The following ITPR1 variants were observed in gnomAD, a reference collection of about 807,000 sequenced individuals.
ITPR1 encodes the protein inositol 1,4,5-trisphosphate-gated calcium channel ITPR1.
A neutral mutation model predicts 318.4 loss-of-function variants in ITPR1; 96 were observed. The observed-to-expected ratio is 0.30, with a 90% confidence interval of 0.26 to 0.36. ITPR1 has a LOEUF of 0.36. Ranked by LOEUF, ITPR1 falls within the 10% of genes least tolerant of loss-of-function variation. ITPR1 has a pLI of 1.00. For synonymous variants in ITPR1, 1,312 were observed against 1,289.9 expected (o/e 1.02, Z -0.37); for missense variants, 2,440 against 3,460.2 (o/e 0.71, Z 7.40).
intron 43 of ITPR1, 76 bp downstream of exon 43, chr3:4,733,296 G>A (rs2125318255): frequency 1.3e-6 from 2 of 1,532,238 alleles, no homozygotes; most frequent in South Asian, 1.2e-5. Context: ...CCTCCTAACA[G>A]GTTGAAATGC....
intron 38 of ITPR1, among the ~76,000 whole-genome samples, chr3:4,711,368 A>T (rs1012873101): frequency 6.6e-6 from 1 of 152,026 alleles, no homozygotes. Flanking sequence ...CTCAACCATC[A>T]TCCTCATGAG....
chr3:4,796,013 G>A (rs1047827057), intron 53 of ITPR1, among the ~76,000 whole-genome samples: 2 of 152,126 alleles, frequency 1.3e-5, no homozygotes, highest in African/African-American at 4.8e-5. Flanking sequence ...AACCTGCCAG[G>A]AACCACCTTA....
intron 42 of ITPR1, among the ~76,000 whole-genome samples, chr3:4,731,058 G>A (rs1159946877): frequency 6.6e-6 from 1 of 152,188 alleles, no homozygotes; most frequent in Non-Finnish European, 1.5e-5. Context: ...TCAAATAGAT[G>A]CATTATGATA....
chr3:4,690,718 A>G lies in ITPR1; in HGVS notation c.3829-426A>G, dbSNP rs138689298. 9.3e-4 allele frequency among the ~76,000 whole-genome samples: 142 copies of G among 152,358 alleles called. 12 individuals are homozygous for G. The East Asian group carries it at 0.017, about 18-fold the overall frequency. On this transcript the variant is annotated intron_variant, in intron 31 of 61. Coordinates refer to ENST00000649015, the MANE Select transcript of ITPR1 (RefSeq NM_001378452.1). ...ATCCTACTCCAAATGCCCTTCCACCATAGAATAAAGATACTGTCATATATT... is the reference window on the plus strand; with the variant it reads ...ATCCTACTCCAAATGCCCTTCCACCGTAGAATAAAGATACTGTCATATATT...
chr3:4,778,678 A>ACC (rs2046630043), intron 48 of ITPR1, among the ~76,000 whole-genome samples: 1 of 152,218 alleles, frequency 6.6e-6, no homozygotes, highest in East Asian at 1.9e-4. Context: ...AAATAAACAG[A>ACC]AGTTCATGTG....
Position 4,667,445 on chromosome 3 carries a change from T to C in ITPR1, c.1782T>C (p.Thr594=), listed in dbSNP as rs779129960. 1 of 1,613,648 alleles carries C rather than the reference T, an allele frequency of 6.2e-7. No homozygotes were observed. The highest frequency in any genetic ancestry group is 8.5e-7 in the Non-Finnish European group (1 of 1,179,744). The change falls in exon 18 of 62, where the codon ACT becomes ACC. Residue 594 remains threonine, a synonymous_variant. Coordinates refer to ENST00000649015, the MANE Select transcript of ITPR1 (RefSeq NM_001378452.1). ...QIGYDVLAED[T]ITALLHNNRK... The stretch of plus-strand genomic sequence containing the variant: ...GCTATGATGTGTTGGCTGAAGACAC[T>C]ATCACTGCCCTGCTCCACAATAATC...
At chr3:4,737,303 G>A (rs1175175605) in intron 44 of ITPR1, among the ~76,000 whole-genome samples, 1 of 152,168 alleles carries the variant, frequency 6.6e-6, no homozygotes, top group East Asian at 1.9e-4. Context: ...CCAAGAAGTA[G>A]AAGTGATGCC....
intron 26 of ITPR1, among the ~76,000 whole-genome samples, chr3:4,682,258 T>A (rs998150040): frequency 3.9e-5 from 6 of 152,256 alleles, no homozygotes; most frequent in African/African-American, 1.4e-4. Context: ...CAGAGATGCC[T>A]GCAAGGCCAG....
chr3:4,571,109 A>G (rs1411130768), intron 4 of ITPR1, among the ~76,000 whole-genome samples: 1 of 152,172 alleles, frequency 6.6e-6, no homozygotes, highest in Non-Finnish European at 1.5e-5. Flanking sequence ...TTTGTGTCAT[A>G]TCTGCTGACC....
chr3:4,716,493 T>C (rs988155704), intron 39 of ITPR1, among the ~76,000 whole-genome samples: 3 of 152,240 alleles, frequency 2.0e-5, no homozygotes, highest in African/African-American at 7.2e-5. Context: ...TGAATAGTAG[T>C]AGCTGTTTTA....
intron 44 of ITPR1, among the ~76,000 whole-genome samples, chr3:4,752,568 G>GC (rs1432675488): frequency 6.6e-6 from 1 of 152,238 alleles, no homozygotes; most frequent in Non-Finnish European, 1.5e-5. Context: ...GCTTCTTCTG[G>GC]CCATAAAGTT....
At chr3:4,602,011 T>A (rs536957627) in intron 4 of ITPR1, among the ~76,000 whole-genome samples, 1 of 152,254 alleles carries the variant, frequency 6.6e-6, no homozygotes, top group South Asian at 2.1e-4. Context: ...ATCCCTAGGA[T>A]GGCTAGAGTA....
In ITPR1 at chr3:4,493,516, C is replaced by T. The variant is rs41276527; in HGVS notation, c.-182C>T. On this transcript the variant is annotated 5_prime_UTR_variant, in exon 1 of 62. Transcript: ENST00000649015. ...CGCTTCCATCCTAACGGAACGAGCT[C>T]CCTCTTCGCGGACATGGGATTACCC... 3.3e-5 allele frequency: 5 copies of T among 153,556 alleles called. No individual in the cohort carries two copies. The highest frequency in any genetic ancestry group is 1.2e-4 in the African/African-American group (5 of 41,428). The allele number at this position is 153,556 out of a possible 1,614,324, so 9.5% of individuals were successfully genotyped here.
chr3:4,672,181 G>C (rs144617972), intron 20 of ITPR1, among the ~76,000 whole-genome samples: 75 of 152,310 alleles, frequency 4.9e-4, no homozygotes, highest in Middle Eastern at 3.4e-3. Context: ...CACACTGGGA[G>C]GTGGGCTTGG....
intron 4 of ITPR1, among the ~76,000 whole-genome samples, chr3:4,578,297 G>C (rs1323353839): frequency 6.6e-6 from 1 of 151,994 alleles, no homozygotes. Context: ...TTGGTTTCTA[G>C]AGTGATCTTT....
intron 42 of ITPR1, among the ~76,000 whole-genome samples, chr3:4,731,271 A>G (rs1050482710): frequency 2.0e-5 from 3 of 152,210 alleles, no homozygotes; most frequent in Admixed American, 6.5e-5. Context: ...TGAGACTGGA[A>G]TACCAGTAAA....
chr3:4,591,313 A>G (rs1199120945), intron 4 of ITPR1, among the ~76,000 whole-genome samples: 1 of 152,194 alleles, frequency 6.6e-6, no homozygotes, highest in Non-Finnish European at 1.5e-5. Context: ...ACTGCTTTCC[A>G]CAATGGTTGA....
rs141294147 is a variant in ITPR1, at chr3:4,531,342, C to T, written c.163+10248C>T. Among the ~76,000 whole-genome samples the T allele has an allele frequency of 4.6e-3, 708 of 152,266 alleles. 3 individuals carry two copies. Among genetic ancestry groups the T allele is most frequent in the Non-Finnish European group, 6.7e-3 (459 of 68,024 alleles). Reference sequence around the variant, plus strand: ...GAATGATGACGTTTTAGATTAGCTCCGGCAACAACATTTCTCACCAAAGTT... The same window carrying T: ...GAATGATGACGTTTTAGATTAGCTCTGGCAACAACATTTCTCACCAAAGTT... On this transcript the variant is annotated intron_variant, in intron 4 of 61. Coordinates refer to ENST00000649015, the MANE Select transcript of ITPR1 (RefSeq NM_001378452.1).
At chr3:4,680,181 G>A (rs2094269480) in intron 24 of ITPR1, among the ~76,000 whole-genome samples, 1 of 152,160 alleles carries the variant, frequency 6.6e-6, no homozygotes, top group Admixed American at 6.5e-5. Flanking sequence ...TAAATCCAAA[G>A]CAGGCAACTT....
Sources: gnomAD v4.1 joint callset for allele counts (sites outside exome capture counted in the v4.1 genomes callset) on GRCh38, gnomAD v4.1.1 for gene constraint, MANE v1.5 for transcripts, NCBI Gene and HGNC (gene_info 2026-07-23, HGNC 2026-07-21) for gene names.